The following ZNF385D variants were observed in gnomAD, a reference collection of about 807,000 sequenced individuals.
ZNF385D encodes zinc finger protein 659.
A neutral mutation model predicts 35.8 loss-of-function variants in ZNF385D; 15 were observed. The observed-to-expected ratio is 0.42, with a 90% confidence interval of 0.28 to 0.64. The LOEUF (loss-of-function observed/expected upper bound fraction) is 0.64, where lower values mean the gene tolerates loss of function less well. Among genes scored for constraint, ZNF385D ranks in the 30% least tolerant of loss-of-function variants. ZNF385D has a pLI of 0.23. For missense variants in ZNF385D, 474 were observed against 494.6 expected (o/e 0.96, Z 0.39); for synonymous variants, 212 against 186.8 (o/e 1.13, Z -1.10).
chr3:21,913,642 C>A (rs1323174237), intron 3 of ZNF385D, among the ~76,000 whole-genome samples: 1 of 152,066 alleles, frequency 6.6e-6, no homozygotes, highest in Non-Finnish European at 1.5e-5. Context: ...TCAAAAGATG[C>A]TATTCTTTCT....
At chr3:22,329,643 A>G (rs1694843513) in intron 2 of ZNF385D, among the ~76,000 whole-genome samples, 1 of 152,162 alleles carries the variant, frequency 6.6e-6, no homozygotes, top group African/African-American at 2.4e-5. Context: ...CTCTGATACT[A>G]TTTGCTAGAA....
At chr3:22,371,802 C>T (rs998552656) in intron 2 of ZNF385D, among the ~76,000 whole-genome samples, 3 of 152,206 alleles carry the variant, frequency 2.0e-5, no homozygotes, top group African/African-American at 7.2e-5. Flanking sequence ...GGCTTACACT[C>T]AGCCTCCCAA....
chr3:21,995,843 C>T (rs141130828), intron 3 of ZNF385D, among the ~76,000 whole-genome samples: 5 of 152,026 alleles, frequency 3.3e-5, no homozygotes, highest in African/African-American at 1.2e-4. Context: ...GCCAGGCAAG[C>T]AGAAGCTCTA....
chr3:21,802,916 G>A (rs1221695903), intron 3 of ZNF385D, among the ~76,000 whole-genome samples: 1 of 152,158 alleles, frequency 6.6e-6, no homozygotes, highest in South Asian at 2.1e-4. Flanking sequence ...CTCCCAGGAG[G>A]AACAAGGAAA....
chr3:21,432,602 TG>T (rs1313722772), intron 5 of ZNF385D, among the ~76,000 whole-genome samples: 7 of 151,766 alleles, frequency 4.6e-5, no homozygotes, highest in Non-Finnish European at 1.0e-4. Flanking sequence ...TTTTTTTTTG[TG>T]GGGGGAAATT....
rs563875803 is a variant in ZNF385D at position 21,778,499 on chromosome 3, CA to C, written c.326-113472del. ...TCGAAGCACCCTGTAGTCTATCAGG[CA>C]AGCTATCACTGACAGCTCTTGAAAA... On this transcript the variant is annotated intron_variant, in intron 3 of 5. Transcript: ENST00000494108. 1.8e-3 allele frequency among the ~76,000 whole-genome samples: 270 copies of C among 151,960 alleles called. 1 individual carries two copies. Among genetic ancestry groups the C allele is most frequent in the Middle Eastern group, 6.8e-3 (2 of 294 alleles).
At chr3:21,455,814 G>A (rs1702771180) in intron 4 of ZNF385D, among the ~76,000 whole-genome samples, 2 of 152,020 alleles carry the variant, frequency 1.3e-5, no homozygotes, top group Admixed American at 6.6e-5. Context: ...CCTACAGAAT[G>A]GGAAAAAATT....
At chr3:22,171,039 G>A (rs1345904252) in intron 2 of ZNF385D, among the ~76,000 whole-genome samples, 2 of 152,130 alleles carry the variant, frequency 1.3e-5, no homozygotes, top group African/African-American at 4.8e-5. Context: ...CATTCTGAGT[G>A]GCAAGATTAG....
intron 1 of ZNF385D, among the ~76,000 whole-genome samples, chr3:21,727,894 G>A (rs35995015): frequency 0.17 from 25,268 of 152,060 alleles, 2,556 homozygotes; most frequent in Admixed American, 0.3. Flanking sequence ...ATTCACAATA[G>A]CAAAGACTTG....
In ZNF385D at chr3:22,304,253, G is replaced by A. The variant is rs557750462; in HGVS notation, c.106+68197C>T. 3.6e-3 allele frequency among the ~76,000 whole-genome samples: 554 copies of A among 152,220 alleles called. 4 individuals are homozygous for A. Among genetic ancestry groups the A allele is most frequent in the African/African-American group, 0.011 (470 of 41,542 alleles). On this transcript the variant is annotated intron_variant, in intron 2 of 5. Transcript: ENST00000494108. The stretch of plus-strand genomic sequence containing the variant: ...TAGGTATGATATTTTAATCAGAAAT[G>A]TGTTTTGAATATTGAGAACATTACA...
chr3:21,570,052 TATAATA>T (rs780614695), intron 2 of ZNF385D, among the ~76,000 whole-genome samples: 8 of 150,818 alleles, frequency 5.3e-5, no homozygotes, highest in Non-Finnish European at 8.9e-5. Flanking sequence ...AAACTTAAAG[TATAATA>T]ATAATAATAA....
intron 2 of ZNF385D, among the ~76,000 whole-genome samples, chr3:21,566,387 A>G (rs928415445): frequency 4.6e-5 from 7 of 152,130 alleles, no homozygotes; most frequent in Non-Finnish European, 2.9e-5. Context: ...CACTTTGGGA[A>G]GGCCGAGGTG....
At chr3:21,449,708 C>G (rs932723840) in intron 4 of ZNF385D, among the ~76,000 whole-genome samples, 45 of 152,082 alleles carry the variant, frequency 3.0e-4, no homozygotes, top group African/African-American at 9.7e-4. Context: ...GGTTTTACAG[C>G]AAAAGTAGGT....
At chr3:22,365,455 T>C (rs1439634459) in intron 2 of ZNF385D, among the ~76,000 whole-genome samples, 3 of 152,142 alleles carry the variant, frequency 2.0e-5, no homozygotes, top group Admixed American at 6.5e-5. Context: ...AATTACATTA[T>C]GTGGTCAGTC....
At chr3:21,951,947 G>C (rs542956460) in intron 3 of ZNF385D, among the ~76,000 whole-genome samples, 13 of 151,566 alleles carry the variant, frequency 8.6e-5, no homozygotes, top group Non-Finnish European at 1.6e-4. Flanking sequence ...GCATTAACTA[G>C]ATGAGGTTGT....
At chr3:22,000,670 A>G (rs1344270142) in intron 3 of ZNF385D, among the ~76,000 whole-genome samples, 1 of 152,166 alleles carries the variant, frequency 6.6e-6, no homozygotes, top group Non-Finnish European at 1.5e-5. Context: ...CAAGTCAAAT[A>G]TGAAAGAACC....
At chr3:21,896,914 T>A (rs1559733357) in intron 3 of ZNF385D, among the ~76,000 whole-genome samples, 2 of 152,058 alleles carry the variant, frequency 1.3e-5, no homozygotes, top group Admixed American at 6.6e-5. Context: ...TAGAAGTCAT[T>A]GTAGGCAGCA....
intron 2 of ZNF385D, among the ~76,000 whole-genome samples, chr3:21,620,072 G>A (rs976107453): frequency 6.6e-6 from 1 of 152,146 alleles, no homozygotes; most frequent in African/African-American, 2.4e-5. Context: ...CTAAAAGCCT[G>A]TAAGAATTAA....
chr3:22,063,008 A>G (rs553844928), intron 3 of ZNF385D, among the ~76,000 whole-genome samples: 3 of 152,238 alleles, frequency 2.0e-5, no homozygotes, highest in East Asian at 3.9e-4. Context: ...CAGCCTCATG[A>G]CTCACAGAAA....
Sources: gnomAD v4.1 joint callset for allele counts (sites outside exome capture counted in the v4.1 genomes callset) on GRCh38, gnomAD v4.1.1 for gene constraint, MANE v1.5 for transcripts, NCBI Gene and HGNC (gene_info 2026-07-23, HGNC 2026-07-21) for gene names.